ITPR1: variants seen among roughly 807,000 people sequenced by gnomAD.
ITPR1 encodes the protein inositol 1,4,5-trisphosphate receptor type 1.
ITPR1 carries 96 observed loss-of-function variants against 318.4 expected under a neutral mutation model. The ratio of observed to expected loss-of-function variants is 0.30; its 90% CI spans 0.26 to 0.36. ITPR1 has a LOEUF of 0.36. ITPR1 is among the 10% of genes least tolerant of loss of function. The probability of loss-of-function intolerance (pLI) is 1.00; values close to 1 mark genes in which losing one functional copy is unlikely to be tolerated. For missense variants in ITPR1, 2,440 were observed against 3,460.2 expected, an observed-to-expected ratio of 0.71 and a Z score of 7.40; for synonymous variants, 1,312 against 1,289.9, an observed-to-expected ratio of 1.02 and a Z score of -0.37.
intron 4 of ITPR1, among the ~76,000 whole-genome samples, chr3:4,556,483 A>G (rs2086141458): frequency 6.7e-6 from 1 of 149,128 alleles, no homozygotes; most frequent in Admixed American, 6.7e-5. Flanking sequence ...CCTCCCCCCA[A>G]CCCCTGGCAA....
chr3:4,642,158 G>A lies in ITPR1; in HGVS notation c.432G>A (p.Lys144=). 1 of 1,609,788 alleles carries A rather than the reference G, an allele frequency of 6.2e-7. No homozygotes were observed. Among genetic ancestry groups the A allele is most frequent in the Non-Finnish European group, 8.5e-7 (1 of 1,177,720 alleles). ...AGAGGCTTCCTGCTCTGTTGGAGAA[G>A]AATGCCATGAGAGTCACATTGGACG... ...VNKRLPALLE[K]NAMRVTLDEA... is the part of the protein sequence containing the mutation. The change falls in exon 7 of 62, where the codon AAG becomes AAA. Residue 144 remains lysine (K), a synonymous_variant. Transcript: ENST00000649015.
intron 19 of ITPR1, 90 bp downstream of exon 19, chr3:4,669,863 T>C: frequency 7.9e-7 from 1 of 1,270,178 alleles, no homozygotes; most frequent in African/African-American, 1.5e-5. Context: ...TATCATTTTT[T>C]GAGTTGATCT....
At position 4,591,325 on chromosome 3, in the gene ITPR1, C is replaced by T. The variant is rs573429601; in HGVS notation, c.164-36438C>T. On this transcript the variant is annotated intron_variant, in intron 4 of 61. Transcript: ENST00000649015. Reference sequence around the variant, plus strand: ...CCTACTGCTTTCCACAATGGTTGAACTAATTTACACTCCCACCAACAGTGT... The same window carrying T: ...CCTACTGCTTTCCACAATGGTTGAATTAATTTACACTCCCACCAACAGTGT... Among the ~76,000 whole-genome samples the T allele has an allele frequency of 3.3e-5, 5 of 152,316 alleles. No individual in the cohort carries two copies. In the East Asian group the frequency reaches 7.7e-4, roughly 23 times the overall value.
chr3:4,752,192 C>T (rs921628401), intron 44 of ITPR1, among the ~76,000 whole-genome samples: 2 of 152,158 alleles, frequency 1.3e-5, no homozygotes, highest in African/African-American at 4.8e-5. Context: ...CAGTTGCCCT[C>T]ACCATATGGT....
At chr3:4,503,921 C>T (rs1049861162) in intron 2 of ITPR1, among the ~76,000 whole-genome samples, 2 of 152,086 alleles carry the variant, frequency 1.3e-5, no homozygotes, top group South Asian at 2.1e-4. Context: ...CACCCTCCCC[C>T]TCTCGCCCCC....
intron 3 of ITPR1, among the ~76,000 whole-genome samples, chr3:4,516,805 A>G (rs1444679309): frequency 1.3e-5 from 2 of 152,230 alleles, no homozygotes; most frequent in African/African-American, 4.8e-5. Flanking sequence ...ATTATTTAGG[A>G]CACTATTCTG....
chr3:4,629,101 A>T (rs1241673558), intron 5 of ITPR1, among the ~76,000 whole-genome samples: 1 of 151,946 alleles, frequency 6.6e-6, no homozygotes, highest in African/African-American at 2.4e-5. Flanking sequence ...TGAAATCCAG[A>T]CTTTCTGTCA....
chr3:4,626,994 A>AT (rs2092849929), intron 4 of ITPR1, among the ~76,000 whole-genome samples: 1 of 151,724 alleles, frequency 6.6e-6, no homozygotes, highest in Non-Finnish European at 1.5e-5. Flanking sequence ...AATTTTTTGT[A>AT]TTTTTTAGTA....
intron 61 of ITPR1, among the ~76,000 whole-genome samples, chr3:4,843,960 C>T (rs1019270996): frequency 1.3e-5 from 2 of 152,082 alleles, no homozygotes; most frequent in Admixed American, 6.5e-5. Context: ...AATACGCATA[C>T]TAAAAGGTCA....
intron 4 of ITPR1, among the ~76,000 whole-genome samples, chr3:4,570,650 T>C (rs1180137890): frequency 6.6e-6 from 1 of 152,262 alleles, no homozygotes; most frequent in Non-Finnish European, 1.5e-5. Flanking sequence ...CTACAGTAGC[T>C]GTGGATAGAT....
At chr3:4,556,832 G>C (rs1055990053) in intron 4 of ITPR1, among the ~76,000 whole-genome samples, 12 of 152,090 alleles carry the variant, frequency 7.9e-5, no homozygotes, top group Admixed American at 2.6e-4. Flanking sequence ...TAAATACCAA[G>C]GATCATCAGA....
In ITPR1 at chr3:4,768,529, A is replaced by T; in HGVS notation, c.5744A>T (p.Gln1915Leu). Residue 1915 changes from glutamine to leucine, a missense_variant, in exon 46 of 62, where the codon CAG (glutamine) becomes CTG (leucine). By Grantham distance (113) the Gln-to-Leu change is moderately radical (BLOSUM62 -2). Around this residue, in one of 23 missense-constraint regions of ITPR1, gnomAD observed 113 missense variants for 103.6 expected, o/e 1.09. Coordinates refer to ENST00000649015, the MANE Select transcript of ITPR1 (RefSeq NM_001378452.1). ...SRKKAKEPTT[Q>L]ITEEVRDQLL... The stretch of plus-strand genomic sequence containing the variant: ...TTTCTAGCTAAAGAGCCCACAACAC[A>T]GATAACAGAAGAGGTCCGGGATCAG... The T allele has an allele frequency of 6.2e-7, 1 of 1,611,182 alleles. No individual in the cohort carries two copies. The highest frequency in any genetic ancestry group is 8.5e-7 in the Non-Finnish European group (1 of 1,177,764).
At chr3:4,765,452 C>T (rs577003893) in intron 44 of ITPR1, among the ~76,000 whole-genome samples, 3 of 152,188 alleles carry the variant, frequency 2.0e-5, no homozygotes, top group East Asian at 3.9e-4. Context: ...CTGGTGGTTC[C>T]CTAGGGCTCT....
intron 51 of ITPR1, among the ~76,000 whole-genome samples, chr3:4,785,256 T>A (rs540038093): frequency 6.6e-6 from 1 of 152,346 alleles, no homozygotes; most frequent in Admixed American, 6.5e-5. Flanking sequence ...CATCCTGATC[T>A]GTCTGGTCCC....
At chr3:4,563,693 G>T (rs761869459) in intron 4 of ITPR1, among the ~76,000 whole-genome samples, 2 of 152,050 alleles carry the variant, frequency 1.3e-5, no homozygotes, top group African/African-American at 4.8e-5. Context: ...TCTCTCTTTG[G>T]CTTCAAGATT....
intron 4 of ITPR1, among the ~76,000 whole-genome samples, chr3:4,594,239 A>T (rs1287954536): frequency 6.6e-6 from 1 of 152,232 alleles, no homozygotes; most frequent in East Asian, 1.9e-4. Context: ...AATAGGAGGC[A>T]TGATTTGTAT....
chr3:4,687,655 T>C (rs899350098), intron 30 of ITPR1, among the ~76,000 whole-genome samples: 1 of 152,246 alleles, frequency 6.6e-6, no homozygotes, highest in African/African-American at 2.4e-5. Flanking sequence ...AATGTTTGCT[T>C]GTTTAGAATT....
intron 61 of ITPR1, among the ~76,000 whole-genome samples, chr3:4,843,412 T>C (rs1264318076): frequency 6.6e-6 from 1 of 152,184 alleles, no homozygotes; most frequent in African/African-American, 2.4e-5. Flanking sequence ...AGATTATCAG[T>C]GAAAAACCTC....
intron 44 of ITPR1, among the ~76,000 whole-genome samples, chr3:4,761,903 G>C (rs1329617783): frequency 6.6e-6 from 1 of 152,216 alleles, no homozygotes; most frequent in African/African-American, 2.4e-5. Flanking sequence ...GTCTGTGACT[G>C]TGTGGAGGGC....
Sources: gnomAD v4.1 joint callset for allele counts (sites outside exome capture counted in the v4.1 genomes callset) on GRCh38, gnomAD v4.1.1 for gene constraint, gnomAD v4.1.1 regional missense constraint, MANE v1.5 for transcripts, NCBI Gene and HGNC (gene_info 2026-07-23, HGNC 2026-07-21) for gene names.